Variants in SIPA1 observed in about 807,000 individuals in gnomAD.
SIPA1 encodes the protein signal-induced proliferation-associated protein 1.
Under a neutral mutation model 88.1 loss-of-function variants are expected in SIPA1, and 51 were observed. The observed-to-expected ratio is 0.58, with a 90% confidence interval of 0.46 to 0.73. The LOEUF is 0.73. Among genes scored for constraint, SIPA1 ranks in the 30% least tolerant of loss-of-function variants. The pLI, the probability that SIPA1 is intolerant of heterozygous loss-of-function variation, is 0.00. For missense variants in SIPA1, 1,348 were observed against 1,467.6 expected (o/e 0.92, Z 1.33); for synonymous variants, 681 against 664.8 (o/e 1.02, Z -0.37).
intron 9 of SIPA1, among the ~76,000 whole-genome samples, chr11:65,647,872 CTCTTT>C (rs1856167056): frequency 6.7e-6 from 1 of 150,012 alleles, no homozygotes; most frequent in Admixed American, 6.6e-5. Flanking sequence ...TCTCTCCTCT[CTCTTT>C]TTTTTTTTTT....
intron 8 of SIPA1, 36 bp downstream of exon 8, chr11:65,647,101 G>T (rs760684678): frequency 4.9e-5 from 71 of 1,463,152 alleles, no homozygotes; most frequent in Non-Finnish European, 6.2e-5. Context: ...CCCTGCGCGC[G>T]GCGGGGCGGA....
In SIPA1 at chr11:65,646,122, G is replaced by GT. The variant is rs1474405628; in HGVS notation, c.1264-98dup. The GT allele has an allele frequency of 6.9e-7, 1 of 1,444,128 alleles. No individual in the cohort carries two copies. The highest frequency in any genetic ancestry group is 9.6e-7 in the Non-Finnish European group (1 of 1,046,134). 89.5% of individuals were successfully genotyped at this position (1,444,128 alleles called of 1,614,324 possible). A position where few individuals can be genotyped will look rare whatever the true frequency, so the allele number is the denominator to read the frequency against. On this transcript the variant is annotated intron_variant, in intron 6 of 15. Coordinates refer to ENST00000534313, the MANE Select transcript of SIPA1 (RefSeq NM_006747.4). The surrounding 1 kb of genome is among the most constrained non-coding windows in gnomAD (Gnocchi z 7.5). ...ACACCCTAGGTCTTCACCAGGGGCA[G>GT]TGGGGGAGCCATTGGTGCCTTGGCT...
chr11:65,645,982 T>C, intron 6 of SIPA1, 25 bp downstream of exon 6: 1 of 1,560,396 alleles, frequency 6.4e-7, no homozygotes, highest in Non-Finnish European at 8.8e-7. Context: ...AACGTGGGGG[T>C]GGGGCTTCCG....
chr11:65,648,666 C>A (rs1412840526), intron 9 of SIPA1, among the ~76,000 whole-genome samples: 1 of 151,954 alleles, frequency 6.6e-6, no homozygotes, highest in African/African-American at 2.4e-5. Context: ...AAACCCGTCT[C>A]TAGTAAAAAT....
chr11:65,644,090 G>A (rs1856060134), intron 4 of SIPA1, among the ~76,000 whole-genome samples: 1 of 151,978 alleles, frequency 6.6e-6, no homozygotes, highest in African/African-American at 2.4e-5. Flanking sequence ...CAGCTTCTTG[G>A]CCCCCAGGAG....
In SIPA1 at chr11:65,642,659, G is replaced by C; in HGVS notation, c.984+20G>C. ...CAAGTGGTGAGTGGCGGGCCGCGGA[G>C]CCCCCAGCCATACAGCTGGCCCCAG... On this transcript the variant is annotated intron_variant, in intron 4 of 15. Transcript: ENST00000534313. This position sits in a 1 kb window ranked among gnomAD's most constrained non-coding sequence, Gnocchi z 6.5. The C allele has an allele frequency of 6.6e-7, 1 of 1,509,190 alleles. No individual in the cohort carries two copies. The allele number at this position is 1,509,190 out of a possible 1,614,324, so 93.5% of individuals were successfully genotyped here.
chr11:65,646,894 G>A lies in SIPA1; in HGVS notation c.1860G>A (p.Leu620=). 6.6e-7 allele frequency: 1 copy of A among 1,517,206 alleles called. No individual in the cohort carries two copies. Among genetic ancestry groups the A allele is most frequent in the East Asian group, 2.6e-5 (1 of 38,964 alleles). 94.0% of individuals were successfully genotyped at this position (1,517,206 alleles called of 1,614,324 possible). A position where few individuals can be genotyped will look rare whatever the true frequency, so the allele number is the denominator to read the frequency against. ...LLGISAEALV[L]VAPRDGRVVF... ...GCATCTCGGCCGAGGCTCTGGTGCT[G>A]GTGGCGCCGCGCGACGGCCGCGTAG... Residue 620 remains leucine (L), a synonymous_variant, in exon 8 of 16, where the codon CTG becomes CTA. Coordinates refer to ENST00000534313, the MANE Select transcript of SIPA1 (RefSeq NM_006747.4). This position sits in a 1 kb window ranked among gnomAD's most constrained non-coding sequence, Gnocchi z 7.5.
At chr11:65,647,322 G>T (rs1856146091) in intron 8 of SIPA1, 62 bp from the exon 9 acceptor site, 16 of 1,368,084 alleles carry the variant, frequency 1.2e-5, no homozygotes, top group Non-Finnish European at 1.4e-5. Context: ...AGTCCAGGGG[G>T]CGGGCGCTGG....
Position 65,649,450 on chromosome 11 carries a change from T to C in SIPA1, c.2495T>C (p.Leu832Pro), listed in dbSNP as rs1856210164. Residue 832 changes from leucine (L) to proline (P), a missense_variant, in exon 10 of 16, where the codon CTG becomes CCG. Physicochemically the swap from Leu to Pro is moderately conservative, Grantham distance 98. Coordinates refer to ENST00000534313, the MANE Select transcript of SIPA1 (RefSeq NM_006747.4). ...GDLAEERTEF[L>P]HSQNSLSPRS... The stretch of plus-strand genomic sequence containing the variant: ...CTGGCCGAGGAGAGGACTGAGTTCC[T>C]GCACAGCCAGAACTCGCTGTCACCA... 1.9e-6 allele frequency: 3 copies of C among 1,609,998 alleles called. No homozygotes were observed. The highest frequency in any genetic ancestry group is 2.2e-5 in the East Asian group (1 of 44,716).
At chr11:65,648,426 A>G (rs1296753945) in intron 9 of SIPA1, among the ~76,000 whole-genome samples, 1 of 152,236 alleles carries the variant, frequency 6.6e-6, no homozygotes, top group Non-Finnish European at 1.5e-5. Flanking sequence ...TCGTAGGTAA[A>G]TGAATAAATA....
intron 11 of SIPA1, 38 bp from the exon 12 acceptor site, chr11:65,649,719 T>C (rs1856219510): frequency 6.2e-7 from 1 of 1,613,718 alleles, no homozygotes. Flanking sequence ...GTGGTGACAG[T>C]GGGCATCACT....
chr11:65,639,445 C>G (rs1241389106), intron 1 of SIPA1, among the ~76,000 whole-genome samples: 3 of 152,166 alleles, frequency 2.0e-5, no homozygotes, highest in African/African-American at 4.8e-5. Context: ...AACAGAGGCT[C>G]AAGGTCAGCA....
rs371737660 is a variant in SIPA1, at chr11:65,640,958, C to T, written c.37C>T (p.Arg13Trp). The stretch of plus-strand genomic sequence containing the variant: ...GGCCGGCGGTGTGGGGAGCCCTCGG[C>T]GGGGCATGGCCCCTGCGTCCACAGA... ...MWAGGVGSPR[R>W]GMAPASTDDL... is the part of the protein sequence containing the mutation. Residue 13 changes from arginine to tryptophan, a missense_variant, in exon 2 of 16, where the codon CGG becomes TGG. Around this residue, in one of 4 missense-constraint regions of SIPA1, gnomAD observed 641 missense variants for 797.7 expected, o/e 0.80. Coordinates refer to ENST00000534313, the MANE Select transcript of SIPA1 (RefSeq NM_006747.4). 1.4e-5 allele frequency: 22 copies of T among 1,550,402 alleles called. No homozygotes were observed. Among genetic ancestry groups the T allele is most frequent in the Admixed American group, 5.8e-5 (3 of 51,486 alleles).
rs772818729 is a variant in SIPA1 at position 65,642,645 on chromosome 11, TGGCGG to T, written c.984+8_984+12del. 6.1e-4 allele frequency: 939 copies of T among 1,534,890 alleles called. 2 individuals carry two copies. The highest frequency in any genetic ancestry group is 1.2e-3 in the Middle Eastern group (7 of 5,886). On this transcript the variant is annotated splice_region_variant and intron_variant, in intron 4 of 15. Transcript: ENST00000534313. This position sits in a 1 kb window ranked among gnomAD's most constrained non-coding sequence, Gnocchi z 6.5. Reference sequence around the variant, plus strand: ...TCACACTGGATGAGCAAGTGGTGAGTGGCGGGCCGCGGAGCCCCCAGCCATACAGC... The same window carrying T: ...TCACACTGGATGAGCAAGTGGTGAGTGCCGCGGAGCCCCCAGCCATACAGC...
intron 9 of SIPA1, among the ~76,000 whole-genome samples, chr11:65,648,605 G>A (rs1297395031): frequency 2.0e-5 from 3 of 151,976 alleles, no homozygotes; most frequent in South Asian, 2.1e-4. Flanking sequence ...AGGCTGAGGC[G>A]GGTAGCTCAC....
At position 65,645,841 on chromosome 11, in the gene SIPA1, T is replaced by C; in HGVS notation, c.1160-13T>C. 6.3e-7 allele frequency: 1 copy of C among 1,599,376 alleles called. No homozygotes were observed. The highest frequency in any genetic ancestry group is 8.6e-7 in the Non-Finnish European group (1 of 1,168,524). The stretch of plus-strand genomic sequence containing the variant: ...TGTTTTCTCCTTCTGTGTCCCTAAC[T>C]TCCTGGCCACAGCGGATTCCACAGG... On this transcript the variant is annotated splice_polypyrimidine_tract_variant and intron_variant, in intron 5 of 15. Transcript: ENST00000534313.
At chr11:65,649,918 T>TCCCTAGCTCAGCCTGCTCCTTGTGCCC in intron 12 of SIPA1, 32 bp from the exon 13 acceptor site, 1 of 1,613,318 alleles carries the variant, frequency 6.2e-7, no homozygotes, top group Non-Finnish European at 8.5e-7. Flanking sequence ...CTCCTGGGCT[T>TCCCTAGCTCAGCCTGCTCCTTGTGCCC]CCCTAGCTCA....
chr11:65,644,871 G>A (rs967241175), intron 4 of SIPA1, 84 bp from the exon 5 acceptor site: 2 of 1,415,776 alleles, frequency 1.4e-6, no homozygotes, highest in African/African-American at 2.8e-5. Flanking sequence ...TCAGCCCCAG[G>A]CCAGCGTCCC....
At position 65,646,435 on chromosome 11, in the gene SIPA1, C is replaced by G. The variant is rs1254511205; in HGVS notation, c.1422-21C>G. 1.9e-6 allele frequency: 3 copies of G among 1,593,146 alleles called. No homozygotes were observed. Among genetic ancestry groups the G allele is most frequent in the Non-Finnish European group, 2.6e-6 (3 of 1,173,684 alleles). ...GGGCATGGAGTCCTGCCGCCCCTCA[C>G]TAACGCCTCCCTCCCCGCAGGGTGG... On this transcript the variant is annotated intron_variant, in intron 7 of 15. Transcript: ENST00000534313. This position sits in a 1 kb window ranked among gnomAD's most constrained non-coding sequence, Gnocchi z 7.5.
Sources: gnomAD v4.1 joint callset for allele counts (sites outside exome capture counted in the v4.1 genomes callset) on GRCh38, gnomAD v4.1.1 for gene constraint, gnomAD v4.1.1 regional missense constraint, Gnocchi (gnomAD v3.1) non-coding constraint, MANE v1.5 for transcripts, NCBI Gene and HGNC (gene_info 2026-07-23, HGNC 2026-07-21) for gene names.